LOC128462377: variants seen among roughly 807,000 people sequenced by gnomAD.
the LOC128462377 span, among the ~76,000 whole-genome samples, chr16:89,404,065 C>T: frequency 6.6e-6 from 1 of 152,242 alleles, no homozygotes; most frequent in Non-Finnish European, 1.5e-5. Context: ...ACAGGAAACT[C>T]TCAGAGCAAA....
the LOC128462377 span, among the ~76,000 whole-genome samples, chr16:89,373,660 A>C: frequency 6.6e-6 from 1 of 152,182 alleles, no homozygotes; most frequent in African/African-American, 2.4e-5. Flanking sequence ...CGAAATGAAA[A>C]CATCATGTAA....
At chr16:89,391,080 T>C in the LOC128462377 span, among the ~76,000 whole-genome samples, 1 of 151,850 alleles carries the variant, frequency 6.6e-6, no homozygotes, top group African/African-American at 2.4e-5. Context: ...TACAAAAAAT[T>C]AGCCGGGCGC....
the LOC128462377 span, among the ~76,000 whole-genome samples, chr16:89,344,414 C>T: frequency 4.6e-5 from 7 of 152,298 alleles, no homozygotes; most frequent in East Asian, 1.2e-3. Context: ...CTCCAGACCC[C>T]GTCAGGGCCA....
At chr16:89,406,109 C>CAAA in the LOC128462377 span, among the ~76,000 whole-genome samples, 33 of 49,622 alleles carry the variant, frequency 6.7e-4, no homozygotes, top group African/African-American at 1.3e-3. Context: ...GATTCCATCT[C>CAAA]AAAAAAAAAA....
At chr16:89,359,109 T>C in the LOC128462377 span, among the ~76,000 whole-genome samples, 4 of 152,184 alleles carry the variant, frequency 2.6e-5, no homozygotes, top group South Asian at 8.3e-4. Flanking sequence ...TTCCAAAATA[T>C]ATAAAACATC....
chr16:89,325,412 CG>C, the LOC128462377 span, among the ~76,000 whole-genome samples: 1 of 151,612 alleles, frequency 6.6e-6, no homozygotes, highest in African/African-American at 2.4e-5. Context: ...TACTCCAGCC[CG>C]GGCGTCAGAG....
chr16:89,386,418 C>T, the LOC128462377 span, among the ~76,000 whole-genome samples: 11 of 152,130 alleles, frequency 7.2e-5, no homozygotes, highest in African/African-American at 2.7e-4. Flanking sequence ...CCCAAGGAGA[C>T]GCCAGAAACC....
chr16:89,416,021 T>C, the LOC128462377 span, among the ~76,000 whole-genome samples: 2 of 151,782 alleles, frequency 1.3e-5, no homozygotes, highest in Non-Finnish European at 2.9e-5. Flanking sequence ...AGGGCCTTCC[T>C]CGTATTCAAT....
the LOC128462377 span, among the ~76,000 whole-genome samples, chr16:89,357,428 T>A: frequency 2.6e-5 from 4 of 151,930 alleles, no homozygotes; most frequent in Non-Finnish European, 5.9e-5. Flanking sequence ...TGGGAACATA[T>A]AATGGTGCAA....
At chr16:89,371,738 T>A in the LOC128462377 span, among the ~76,000 whole-genome samples, 2 of 152,002 alleles carry the variant, frequency 1.3e-5, no homozygotes, top group African/African-American at 4.8e-5. Flanking sequence ...CGATGCGGAC[T>A]CCCTCCTGCA....
At chr16:89,409,653 A>AAC in the LOC128462377 span, among the ~76,000 whole-genome samples, 25 of 151,832 alleles carry the variant, frequency 1.6e-4, no homozygotes, top group Non-Finnish European at 2.5e-4. Context: ...GTTGTACCAA[A>AAC]ACACACACAC....
chr16:89,386,849 C>T, the LOC128462377 span, among the ~76,000 whole-genome samples: 1 of 152,186 alleles, frequency 6.6e-6, no homozygotes, highest in African/African-American at 2.4e-5. Context: ...CCTATCACAG[C>T]CAGAGCTGTG....
At chr16:89,386,404 T>C in the LOC128462377 span, among the ~76,000 whole-genome samples, 1 of 152,046 alleles carries the variant, frequency 6.6e-6, no homozygotes, top group Admixed American at 6.5e-5. Flanking sequence ...TGCCCCACCC[T>C]TTACCCAAGG....
the LOC128462377 span, among the ~76,000 whole-genome samples, chr16:89,333,412 C>T: frequency 1.2e-4 from 19 of 152,210 alleles, no homozygotes; most frequent in East Asian, 2.1e-3. Context: ...CCACCGGGTG[C>T]TGTGCAGTCT....
the LOC128462377 span, among the ~76,000 whole-genome samples, chr16:89,379,276 C>T: frequency 6.6e-6 from 1 of 152,228 alleles, no homozygotes; most frequent in African/African-American, 2.4e-5. Context: ...AAACTTAGGG[C>T]TTTCTCACAA....
the LOC128462377 span, among the ~76,000 whole-genome samples, chr16:89,371,705 G>A: frequency 6.6e-6 from 1 of 152,092 alleles, no homozygotes; most frequent in African/African-American, 2.4e-5. Flanking sequence ...ATGGATATGA[G>A]AGGTGGTCTC....
At chr16:89,371,728 CGATGCGGACTCCCTCCTGCACCCCCTCAG>C in the LOC128462377 span, among the ~76,000 whole-genome samples, 1 of 152,124 alleles carries the variant, frequency 6.6e-6, no homozygotes, top group African/African-American at 2.4e-5. Flanking sequence ...GTGTGGAGGG[CGATGCGGACTCCCTCCTGCACCCCCTCAG>C]GATGACGGAG....
At chr16:89,410,378 C>T in the LOC128462377 span, among the ~76,000 whole-genome samples, 1 of 152,220 alleles carries the variant, frequency 6.6e-6, no homozygotes, top group Admixed American at 6.5e-5. Flanking sequence ...CAAAGGCTGA[C>T]TGTACCAAGG....
chr16:89,403,152 C>G, the LOC128462377 span, among the ~76,000 whole-genome samples: 1 of 152,214 alleles, frequency 6.6e-6, no homozygotes, highest in African/African-American at 2.4e-5. Flanking sequence ...AGGTAAAACA[C>G]TACAGAGAAA....
Sources: gnomAD v4.1 joint callset for allele counts (sites outside exome capture counted in the v4.1 genomes callset) on GRCh38, gnomAD v4.1.1 for gene constraint, MANE v1.5 for transcripts.